Variants in GRIA4 observed in about 807,000 individuals in gnomAD.
The protein encoded by GRIA4 is glutamate ionotropic receptor AMPA type subunit 4.
Under a neutral mutation model 104.0 loss-of-function variants are expected in GRIA4, and 34 were observed. The ratio of observed to expected loss-of-function variants is 0.33; its 90% CI spans 0.25 to 0.44. The LOEUF (loss-of-function observed/expected upper bound fraction) is 0.44. Among genes scored for constraint, GRIA4 ranks in the 20% least tolerant of loss-of-function variants. GRIA4 has a pLI of 1.00. For missense variants in GRIA4, 750 were observed against 1,096.5 expected, an observed-to-expected ratio of 0.68 and a Z score of 4.46; for synonymous variants, 386 against 381.9, an observed-to-expected ratio of 1.01 and a Z score of -0.13.
chr11:105,755,372 G>A (rs1256820149), intron 4 of GRIA4, among the ~76,000 whole-genome samples: 2 of 151,900 alleles, frequency 1.3e-5, no homozygotes, highest in African/African-American at 2.4e-5. Context: ...TCACTCCAGG[G>A]AACTCTCCCA....
intron 10 of GRIA4, among the ~76,000 whole-genome samples, chr11:105,916,944 A>G (rs938166344): frequency 1.3e-5 from 2 of 152,186 alleles, no homozygotes; most frequent in African/African-American, 4.8e-5. Flanking sequence ...CCATATTTTA[A>G]AAAGGTTATT....
chr11:105,702,251 A>G (rs1372735848), intron 3 of GRIA4, among the ~76,000 whole-genome samples: 1 of 152,126 alleles, frequency 6.6e-6, no homozygotes, highest in Non-Finnish European at 1.5e-5. Flanking sequence ...AGCTATCTCT[A>G]TCTACACTTT....
At chr11:105,739,198 C>T (rs1035576087) in intron 3 of GRIA4, among the ~76,000 whole-genome samples, 8 of 152,146 alleles carry the variant, frequency 5.3e-5, no homozygotes, top group African/African-American at 1.9e-4. Context: ...TCTGCTTATT[C>T]CTTTGTAGGC....
At chr11:105,771,761 A>G (rs1193313278) in intron 4 of GRIA4, among the ~76,000 whole-genome samples, 3 of 152,112 alleles carry the variant, frequency 2.0e-5, no homozygotes, top group Non-Finnish European at 4.4e-5. Context: ...ATCATATTGG[A>G]AAATTTTTTG....
At chr11:105,882,519 T>C (rs1184396619) in intron 5 of GRIA4, among the ~76,000 whole-genome samples, 1 of 152,234 alleles carries the variant, frequency 6.6e-6, no homozygotes, top group Non-Finnish European at 1.5e-5. Flanking sequence ...AATATGTTAG[T>C]GTTTCTGACA....
chr11:105,838,544 C>T (rs1160848730), intron 4 of GRIA4, among the ~76,000 whole-genome samples: 1 of 152,054 alleles, frequency 6.6e-6, no homozygotes, highest in Non-Finnish European at 1.5e-5. Context: ...CTCTTATTTC[C>T]TTTGGTTAGT....
At position 105,899,643 on chromosome 11, in the gene GRIA4, A is replaced by C. The variant is rs115835153; in HGVS notation, c.885+1216A>C. Among the ~76,000 whole-genome samples the C allele has an allele frequency of 5.4e-3, 830 of 152,314 alleles. 12 individuals are homozygous for C. Among genetic ancestry groups the C allele is most frequent in the African/African-American group, 0.019 (793 of 41,560 alleles). ...AGTTATGTTCTATAAAGTCTCTTTA[A>C]ATACTGAATAAGTAAATATAGAACT... On this transcript the variant is annotated intron_variant, in intron 7 of 16. Transcript: ENST00000282499.
chr11:105,617,794 G>C (rs1298501570), intron 3 of GRIA4, among the ~76,000 whole-genome samples: 1 of 152,040 alleles, frequency 6.6e-6, no homozygotes, highest in East Asian at 1.9e-4. Context: ...AAACTTATAA[G>C]AGTAGTTGCT....
intron 14 of GRIA4, among the ~76,000 whole-genome samples, chr11:105,958,373 T>C (rs971224520): frequency 1.3e-5 from 2 of 152,246 alleles, no homozygotes; most frequent in Non-Finnish European, 2.9e-5. Context: ...GAGATAATCA[T>C]GTGGTTTTTG....
At chr11:105,674,099 G>C (rs932308464) in intron 3 of GRIA4, among the ~76,000 whole-genome samples, 2 of 151,988 alleles carry the variant, frequency 1.3e-5, no homozygotes, top group African/African-American at 4.8e-5. Context: ...AAAGCATGGA[G>C]AATGTGTAAA....
At chr11:105,749,450 G>A (rs1389085356) in intron 3 of GRIA4, among the ~76,000 whole-genome samples, 1 of 152,144 alleles carries the variant, frequency 6.6e-6, no homozygotes, top group Non-Finnish European at 1.5e-5. Context: ...GAAGATACAG[G>A]AGAAAGAGAA....
At chr11:105,889,839 T>C (rs1044009260) in intron 6 of GRIA4, among the ~76,000 whole-genome samples, 6 of 152,194 alleles carry the variant, frequency 3.9e-5, no homozygotes, top group Non-Finnish European at 7.4e-5. Context: ...AAGGTGAATA[T>C]ACAACAGTTT....
chr11:105,756,134 C>T (rs1038977287), intron 4 of GRIA4, among the ~76,000 whole-genome samples: 1 of 152,062 alleles, frequency 6.6e-6, no homozygotes, highest in African/African-American at 2.4e-5. Context: ...ACCCTTAAAC[C>T]CTAATTCATA....
chr11:105,610,861 CTTTCTTTTCTTTTT>C, intron 1 of GRIA4, 33 bp from the exon 2 acceptor site: 1 of 542,772 alleles, frequency 1.8e-6, no homozygotes, highest in Non-Finnish European at 3.1e-6. Flanking sequence ...TCTTTCTTTT[CTTTCTTTTCTTTTT>C]TTTTTTTTTT....
chr11:105,783,237 A>G (rs1941807275), intron 4 of GRIA4, among the ~76,000 whole-genome samples: 1 of 152,236 alleles, frequency 6.6e-6, no homozygotes, highest in Admixed American at 6.5e-5. Context: ...TATGCATATT[A>G]GCTTTACCAC....
At chr11:105,971,789 A>G (rs1454566190) in intron 14 of GRIA4, 125 bp from the exon 15 acceptor site, 1 of 540,060 alleles carries the variant, frequency 1.9e-6, no homozygotes. Flanking sequence ...CTGGGCCTAC[A>G]GTACAAGACA....
intron 4 of GRIA4, among the ~76,000 whole-genome samples, chr11:105,857,507 C>T (rs1945049834): frequency 6.6e-6 from 1 of 152,156 alleles, no homozygotes; most frequent in African/African-American, 2.4e-5. Flanking sequence ...CTAGTCTTCT[C>T]CTTCCCAAAC....
intron 3 of GRIA4, among the ~76,000 whole-genome samples, chr11:105,682,265 G>T (rs1304246590): frequency 6.6e-6 from 1 of 152,028 alleles, no homozygotes; most frequent in South Asian, 2.1e-4. Context: ...GCCTAGGCTA[G>T]TGTACAGTAG....
chr11:105,915,021 G>A (rs985601393), intron 10 of GRIA4, among the ~76,000 whole-genome samples: 1 of 152,126 alleles, frequency 6.6e-6, no homozygotes, highest in Non-Finnish European at 1.5e-5. Flanking sequence ...TGAGCATGGG[G>A]GAAATGAGGA....
Sources: gnomAD v4.1 joint callset for allele counts (sites outside exome capture counted in the v4.1 genomes callset) on GRCh38, gnomAD v4.1.1 for gene constraint, MANE v1.5 for transcripts, NCBI Gene and HGNC (gene_info 2026-07-23, HGNC 2026-07-21) for gene names.